Variants in LSM8 observed in about 807,000 individuals in gnomAD.
LSM8 encodes the protein LSM8 homolog, U6 small nuclear RNA associated, also known as LSM8 U6 small nuclear RNA associated.
A neutral mutation model predicts 15.0 loss-of-function variants in LSM8; 14 were observed. That is an observed-to-expected ratio of 0.93 (90% CI 0.62 to 1.46). The LOEUF is 1.46. LSM8 is among the 40% of genes most tolerant of loss of function. LSM8 has a pLI of 0.00. For synonymous variants in LSM8, 50 were observed against 42.1 expected (o/e 1.19, Z -0.73); for missense variants, 90 against 115.4 (o/e 0.78, Z 1.01).
rs764022632 is a variant in LSM8, at chr7:118,185,668, A to G, written c.46A>G (p.Ile16Val). 3.1e-6 allele frequency: 5 copies of G among 1,611,106 alleles called. No individual in the cohort carries two copies. The South Asian group carries it at 4.4e-5, about 14-fold the overall frequency. Residue 16 changes from isoleucine to valine, a missense_variant, in exon 2 of 4, where the codon ATT becomes GTT. By Grantham distance (29) the Ile-to-Val change is conservative. Coordinates refer to ENST00000249299, the MANE Select transcript of LSM8 (RefSeq NM_016200.5). ...ENYINRTVAV[I>V]TSDGRMIVGT... ...TCAGTTATCAGGAACTGTTGCCGTT[A>G]TTACATCAGATGGGAGAATGATTGT...
Position 118,193,855 on chromosome 7 carries a change from C to A in LSM8, c.*1853C>A, listed in dbSNP as rs1809030531. Among the ~76,000 whole-genome samples the A allele has an allele frequency of 6.6e-6, 1 of 152,008 alleles. No homozygotes were observed. The highest frequency in any genetic ancestry group is 2.1e-4 in the South Asian group (1 of 4,818). The stretch of plus-strand genomic sequence containing the variant: ...CACATTACACATAAACAAATAAAAA[C>A]CAGTCCTGTCCCTCATGATAATGGG... On this transcript the variant is annotated 3_prime_UTR_variant, in exon 4 of 4. Transcript: ENST00000249299.
Position 118,193,661 on chromosome 7 carries a change from A to T in LSM8, c.*1659A>T, listed in dbSNP as rs531448697. ...GGAAAGTGGGTAAGGCAAACAGGCAAATTTAGGGACTGTGAATGAAATATT... is the reference window on the plus strand; with the variant it reads ...GGAAAGTGGGTAAGGCAAACAGGCATATTTAGGGACTGTGAATGAAATATT... On this transcript the variant is annotated 3_prime_UTR_variant, in exon 4 of 4. Coordinates refer to ENST00000249299, the MANE Select transcript of LSM8 (RefSeq NM_016200.5). 6.6e-6 allele frequency among the ~76,000 whole-genome samples: 1 copy of T among 152,204 alleles called. No homozygotes were observed. Among genetic ancestry groups the T allele is most frequent in the Admixed American group, 6.5e-5 (1 of 15,288 alleles).
chr7:118,203,250 C>G lies in LSM8; in HGVS notation c.*11248C>G, dbSNP rs959213131. 2.0e-5 allele frequency among the ~76,000 whole-genome samples: 3 copies of G among 151,804 alleles called. No individual in the cohort carries two copies. The highest frequency in any genetic ancestry group is 7.3e-5 in the African/African-American group (3 of 41,352). On this transcript the variant is annotated 3_prime_UTR_variant, in exon 4 of 4. Transcript: ENST00000249299. ...TACAGGAGAAATGCTTATATGAGAA[C>G]AGAATTATGGGGCACTCTGAATACT... is the stretch of plus-strand genomic sequence containing the variant.
At position 118,192,134 on chromosome 7, in the gene LSM8, A is replaced by T. The variant is rs1808992699; in HGVS notation, c.*132A>T. On this transcript the variant is annotated 3_prime_UTR_variant, in exon 4 of 4. Coordinates refer to ENST00000249299, the MANE Select transcript of LSM8 (RefSeq NM_016200.5). ...ATTGATTCATTGTAATATGTAAATT[A>T]AAATATTTCTACATTTTATTGAAAA... is the stretch of plus-strand genomic sequence containing the variant. The T allele has an allele frequency of 2.0e-6, 1 of 510,988 alleles. No individual in the cohort carries two copies. The highest frequency in any genetic ancestry group is 2.0e-5 in the African/African-American group (1 of 50,134). 31.7% of individuals were successfully genotyped at this position (510,988 alleles called of 1,614,324 possible). A position where few individuals can be genotyped will look rare whatever the true frequency, so the allele number is the denominator to read the frequency against.
In LSM8 at chr7:118,203,761, T is replaced by A. The variant is rs1809206269; in HGVS notation, c.*11759T>A. Among the ~76,000 whole-genome samples, 1 of 151,856 alleles carries A rather than the reference T, an allele frequency of 6.6e-6. No homozygotes were observed. The highest frequency in any genetic ancestry group is 1.9e-4 in the East Asian group (1 of 5,182). On this transcript the variant is annotated 3_prime_UTR_variant, in exon 4 of 4. Coordinates refer to ENST00000249299, the MANE Select transcript of LSM8 (RefSeq NM_016200.5). Reference sequence around the variant, plus strand: ...TTAGTTGAGAAAATAAATCATAATTTGTGATTTCAAACATTTAATATGTGC... The same window carrying A: ...TTAGTTGAGAAAATAAATCATAATTAGTGATTTCAAACATTTAATATGTGC...
Position 118,197,561 on chromosome 7 carries a change from G to C in LSM8, c.*5559G>C, listed in dbSNP as rs1809102465. The stretch of plus-strand genomic sequence containing the variant: ...ACATTTTAAAATAAATGCCCTGAAA[G>C]TGATCACAATGATAGTTAAAAGTTA... On this transcript the variant is annotated 3_prime_UTR_variant, in exon 4 of 4. Transcript: ENST00000249299. 6.6e-6 allele frequency among the ~76,000 whole-genome samples: 1 copy of C among 152,112 alleles called. No homozygotes were observed. Among genetic ancestry groups the C allele is most frequent in the African/African-American group, 2.4e-5 (1 of 41,428 alleles).
In LSM8 at chr7:118,197,164, A is replaced by T. The variant is rs1301674205; in HGVS notation, c.*5162A>T. ...TCTCTTCTCTTTAGGGTAATGTTCA[A>T]TTACACTGCATATATTTTGCTATTA... On this transcript the variant is annotated 3_prime_UTR_variant, in exon 4 of 4. Coordinates refer to ENST00000249299, the MANE Select transcript of LSM8 (RefSeq NM_016200.5). Among the ~76,000 whole-genome samples the T allele has an allele frequency of 6.6e-6, 1 of 150,966 alleles. No individual in the cohort carries two copies. The highest frequency in any genetic ancestry group is 1.9e-4 in the East Asian group (1 of 5,142).
At position 118,199,838 on chromosome 7, in the gene LSM8, T is replaced by A. The variant is rs1809143000; in HGVS notation, c.*7836T>A. Among the ~76,000 whole-genome samples, 1 of 152,134 alleles carries A rather than the reference T, an allele frequency of 6.6e-6. No individual in the cohort carries two copies. The highest frequency in any genetic ancestry group is 1.5e-5 in the Non-Finnish European group (1 of 68,000). On this transcript the variant is annotated 3_prime_UTR_variant, in exon 4 of 4. Transcript: ENST00000249299. The stretch of plus-strand genomic sequence containing the variant: ...TATGAGAGCCCATAGGAGAGACATC[T>A]AAAGTTTAATAGCAACACTAGGCTG...
At position 118,193,723 on chromosome 7, in the gene LSM8, A is replaced by G. The variant is rs1168882788; in HGVS notation, c.*1721A>G. 6.6e-6 allele frequency among the ~76,000 whole-genome samples: 1 copy of G among 152,160 alleles called. No homozygotes were observed. The highest frequency in any genetic ancestry group is 2.4e-5 in the African/African-American group (1 of 41,468). ...CATTTTGAATTGGTAAAGTAATTCC[A>G]AAAATTAAATAAGAATACACATTGT... On this transcript the variant is annotated 3_prime_UTR_variant, in exon 4 of 4. Coordinates refer to ENST00000249299, the MANE Select transcript of LSM8 (RefSeq NM_016200.5).
At chr7:118,185,432 A>G (rs1584704844) in intron 1 of LSM8, 4 of 500,994 alleles carry the variant, frequency 8.0e-6, no homozygotes, top group Non-Finnish European at 1.4e-5. Flanking sequence ...GGTAATAGAG[A>G]TGGGGGTATC....
In LSM8 at chr7:118,202,944, CA is replaced by C. The variant is rs1256965261; in HGVS notation, c.*10943del. The stretch of plus-strand genomic sequence containing the variant: ...CACTGATCTATACTGTCTTTCTACA[CA>C]CTTTTTTACCTTACTTTATCCTTCA... On this transcript the variant is annotated 3_prime_UTR_variant, in exon 4 of 4. Coordinates refer to ENST00000249299, the MANE Select transcript of LSM8 (RefSeq NM_016200.5). Among the ~76,000 whole-genome samples the C allele has an allele frequency of 6.6e-6, 1 of 151,978 alleles. No homozygotes were observed. Among genetic ancestry groups the C allele is most frequent in the African/African-American group, 2.4e-5 (1 of 41,430 alleles).
rs1015461568 is a variant in LSM8, at chr7:118,196,441, G to T, written c.*4439G>T. ...TCTTTTAAGATTGCTAAGTCTGTAG[G>T]TTGCATAATTCTAAGGATAAAGGCG... On this transcript the variant is annotated 3_prime_UTR_variant, in exon 4 of 4. Coordinates refer to ENST00000249299, the MANE Select transcript of LSM8 (RefSeq NM_016200.5). 6.6e-6 allele frequency among the ~76,000 whole-genome samples: 1 copy of T among 151,882 alleles called. No homozygotes were observed. Among genetic ancestry groups the T allele is most frequent in the African/African-American group, 2.4e-5 (1 of 41,332 alleles).
intron 2 of LSM8, 117 bp from the exon 3 acceptor site, chr7:118,188,161 C>G: frequency 1.7e-6 from 2 of 1,150,784 alleles, no homozygotes; most frequent in South Asian, 2.6e-5. Flanking sequence ...ATTTTATTTG[C>G]CGTCGTATAG....
chr7:118,185,518 G>T (rs1793519868), intron 1 of LSM8, 136 bp from the exon 2 acceptor site: 7 of 750,020 alleles, frequency 9.3e-6, no homozygotes, highest in Non-Finnish European at 1.6e-5. Flanking sequence ...ACGTTTTTAT[G>T]TAGTGAACTT....
rs528955741 is a variant in LSM8 at position 118,193,866 on chromosome 7, C to T, written c.*1864C>T. ...TAAACAAATAAAAACCAGTCCTGTC[C>T]CTCATGATAATGGGTTTCTAATGTG... On this transcript the variant is annotated 3_prime_UTR_variant, in exon 4 of 4. Transcript: ENST00000249299. 2.0e-5 allele frequency among the ~76,000 whole-genome samples: 3 copies of T among 152,144 alleles called. No homozygotes were observed. Among genetic ancestry groups the T allele is most frequent in the South Asian group, 4.2e-4 (2 of 4,816 alleles).
At position 118,200,092 on chromosome 7, in the gene LSM8, A is replaced by G. The variant is rs1256894538; in HGVS notation, c.*8090A>G. Among the ~76,000 whole-genome samples the G allele has an allele frequency of 1.3e-5, 2 of 152,196 alleles. No homozygotes were observed. The highest frequency in any genetic ancestry group is 2.9e-5 in the Non-Finnish European group (2 of 68,018). Reference sequence around the variant, plus strand: ...CTAAGTGCCAACAGAGAATGAAAATATAGTCAATAGCTTTAAGTGACCCCA... The same window carrying G: ...CTAAGTGCCAACAGAGAATGAAAATGTAGTCAATAGCTTTAAGTGACCCCA... On this transcript the variant is annotated 3_prime_UTR_variant, in exon 4 of 4. Transcript: ENST00000249299.
Position 118,203,726 on chromosome 7 carries a change from T to C in LSM8, c.*11724T>C, listed in dbSNP as rs1006009462. On this transcript the variant is annotated 3_prime_UTR_variant, in exon 4 of 4. Coordinates refer to ENST00000249299, the MANE Select transcript of LSM8 (RefSeq NM_016200.5). ...GATTCTCTTCCTTTTTATGATTCTA[T>C]AGTAACAGTTTAGTTGAGAAAATAA... Among the ~76,000 whole-genome samples, 1 of 151,834 alleles carries C rather than the reference T, an allele frequency of 6.6e-6. No individual in the cohort carries two copies. Among genetic ancestry groups the C allele is most frequent in the Non-Finnish European group, 1.5e-5 (1 of 67,796 alleles).
chr7:118,192,115 T>A lies in LSM8; in HGVS notation c.*113T>A. ...CACTGGATTTTGACTCCTTATTGAT[T>A]CATTGTAATATGTAAATTAAAATAT... On this transcript the variant is annotated 3_prime_UTR_variant, in exon 4 of 4. Coordinates refer to ENST00000249299, the MANE Select transcript of LSM8 (RefSeq NM_016200.5). 1.7e-6 allele frequency: 1 copy of A among 605,890 alleles called. No individual in the cohort carries two copies. Among genetic ancestry groups the A allele is most frequent in the Non-Finnish European group, 2.7e-6 (1 of 376,666 alleles). The allele number at this position is 605,890 out of a possible 1,614,324, so 37.5% of individuals were successfully genotyped here. A position where few individuals can be genotyped will look rare whatever the true frequency, so the allele number is the denominator to read the frequency against.
rs1199186246 is a variant in LSM8 at position 118,184,216 on chromosome 7, C to G, written c.-8C>G. 1.3e-6 allele frequency: 2 copies of G among 1,542,038 alleles called. No homozygotes were observed. Among genetic ancestry groups the G allele is most frequent in the Non-Finnish European group, 1.8e-6 (2 of 1,142,486 alleles). On this transcript the variant is annotated 5_prime_UTR_variant, in exon 1 of 4. Transcript: ENST00000249299. ...GCTGCGTTACCCGGAACCGCCGGGC[C>G]GAACAGCATGACGTCCGCTTTGGAG...
Sources: allele counts gnomAD v4.1 joint callset (sites outside exome capture counted in the v4.1 genomes callset), GRCh38; gene constraint gnomAD v4.1.1; transcripts MANE v1.5; gene names NCBI Gene and HGNC (gene_info 2026-07-23, HGNC 2026-07-21).